Variants in INSL6 observed in about 807,000 individuals in gnomAD.
INSL6 encodes insulin like 6.
In INSL6, 16 loss-of-function variants were observed where a neutral mutation model predicts 9.4. The observed-to-expected ratio is 1.70, with a 90% CI of 1.15 to 2.59. The LOEUF (loss-of-function observed/expected upper bound fraction) is 2.59. Among genes scored for constraint, INSL6 ranks in the 30% most tolerant of loss-of-function variants. The probability of loss-of-function intolerance (pLI) is 0.00; values close to 1 mark genes in which losing one functional copy is unlikely to be tolerated. For synonymous variants in INSL6, 154 were observed against 96.9 expected, an observed-to-expected ratio of 1.59 and a Z score of -3.46; for missense variants, 391 against 257.3, an observed-to-expected ratio of 1.52 and a Z score of -3.56.
chr9:5,129,817 T>C (rs974898173), intron 3 of INSL6, among the ~76,000 whole-genome samples: 5 of 152,194 alleles, frequency 3.3e-5, no homozygotes, highest in African/African-American at 1.2e-4. Context: ...ATGTATATCA[T>C]ATAGCCTTTA....
At chr9:5,091,782 T>A in the INSL6 span, among the ~76,000 whole-genome samples, 1 of 152,070 alleles carries the variant, frequency 6.6e-6, no homozygotes, top group Non-Finnish European at 1.5e-5. Flanking sequence ...AATGGTGAAT[T>A]GTAGCTGAAT....
chr9:5,047,681 C>T, the INSL6 span, among the ~76,000 whole-genome samples: 1 of 152,064 alleles, frequency 6.6e-6, no homozygotes, highest in African/African-American at 2.4e-5. Flanking sequence ...GATTGAACTC[C>T]TGGGCTCCAG....
the INSL6 span, among the ~76,000 whole-genome samples, chr9:5,030,775 A>G: frequency 2.0e-3 from 303 of 152,242 alleles, 1 homozygote; most frequent in African/African-American, 6.9e-3. Context: ...CTCTTCCCCT[A>G]TTCTATATAA....
intron 2 of INSL6, among the ~76,000 whole-genome samples, chr9:5,142,860 T>C (rs1824530263): frequency 1.3e-5 from 2 of 152,218 alleles, no homozygotes. Context: ...CTTGTTATTT[T>C]GAGGTATATT....
the INSL6 span, among the ~76,000 whole-genome samples, chr9:4,995,638 G>A: frequency 6.6e-6 from 1 of 152,150 alleles, no homozygotes; most frequent in African/African-American, 2.4e-5. Context: ...CTTGGGTAGT[G>A]AACATTTCTA....
At chr9:5,122,317 A>T (rs1823679639), downstream of INSL6, among the ~76,000 whole-genome samples, 1 of 152,084 alleles carries the variant, frequency 6.6e-6, no homozygotes, top group Non-Finnish European at 1.5e-5. Flanking sequence ...GAACAATGAC[A>T]CCATTGCTGT....
chr9:5,137,367 AC>A (rs1490567952), intron 2 of INSL6, among the ~76,000 whole-genome samples: 2 of 152,204 alleles, frequency 1.3e-5, no homozygotes, highest in Non-Finnish European at 2.9e-5. Context: ...CTGACTTCAA[AC>A]TACATTACAA....
chr9:5,164,051 T>C lies in INSL6; in HGVS notation c.504A>G (p.Gln168=), dbSNP rs750188337. 3.7e-6 allele frequency: 6 copies of C among 1,613,810 alleles called. No homozygotes were observed. The East Asian group carries it at 6.7e-5, about 18-fold the overall frequency. Residue 168 remains glutamine, a synonymous_variant, in exon 2 of 2, where the codon CAA becomes CAG. Transcript: ENST00000381641. ...LSNLFWGHHP[Q]RKRRGYSEKC... is the part of the protein sequence containing the mutation. ...TTTCTGAATATCCTCTGCGTTTTCT[T>C]TGGGGATGATGCCCCCAAAACAAAT...
chr9:5,172,877 G>A (rs1825214825), intron 1 of INSL6, among the ~76,000 whole-genome samples: 2 of 151,642 alleles, frequency 1.3e-5, no homozygotes, highest in Non-Finnish European at 2.9e-5. Context: ...GCAGTGAGCC[G>A]AGATCATGCC....
the INSL6 span, among the ~76,000 whole-genome samples, chr9:4,998,159 G>A: frequency 1.3e-5 from 2 of 151,808 alleles, no homozygotes; most frequent in East Asian, 1.9e-4. Flanking sequence ...AGACAAACTC[G>A]TCACTTCTTA....
the INSL6 span, among the ~76,000 whole-genome samples, chr9:5,104,377 C>T: frequency 6.6e-6 from 1 of 152,204 alleles, no homozygotes; most frequent in Non-Finnish European, 1.5e-5. Flanking sequence ...GAAGTTGAAT[C>T]TCTGAATAGA....
At chr9:5,090,236 A>C in the INSL6 span, among the ~76,000 whole-genome samples, 33 of 152,340 alleles carry the variant, frequency 2.2e-4, no homozygotes, top group African/African-American at 6.0e-4. Flanking sequence ...AGAAAACTGA[A>C]ACGCAAATAG....
the INSL6 span, among the ~76,000 whole-genome samples, chr9:5,004,740 C>T: frequency 2.1e-3 from 316 of 152,022 alleles, 5 homozygotes; most frequent in Middle Eastern, 0.014. Context: ...TTACATTTTC[C>T]CACCAAGAGT....
At chr9:5,085,302 G>C in the INSL6 span, 1 of 729,950 alleles carries the variant, frequency 1.4e-6, no homozygotes, top group East Asian at 2.9e-5. Context: ...AACATGAGGT[G>C]AAGTCGAATA....
At chr9:5,153,609 G>C (rs1350159401) in intron 2 of INSL6, among the ~76,000 whole-genome samples, 1 of 152,176 alleles carries the variant, frequency 6.6e-6, no homozygotes, top group Non-Finnish European at 1.5e-5. Context: ...TCCTTAAGCT[G>C]TAAGCAACTT....
intron 1 of INSL6, among the ~76,000 whole-genome samples, chr9:5,170,060 T>C (rs1224268266): frequency 1.3e-5 from 2 of 152,092 alleles, no homozygotes; most frequent in South Asian, 2.1e-4. Context: ...ACAACAGATA[T>C]AGATTCTTCT....
chr9:5,042,982 C>T, the INSL6 span, among the ~76,000 whole-genome samples: 1 of 152,212 alleles, frequency 6.6e-6, no homozygotes, highest in Non-Finnish European at 1.5e-5. Context: ...CCCTCAGAAG[C>T]TGAGGGGGGT....
chr9:5,098,437 C>G, the INSL6 span: 1 of 152,086 alleles, frequency 6.6e-6, no homozygotes, highest in Non-Finnish European at 1.5e-5. Flanking sequence ...AATTATTTTC[C>G]TAATTAGTTC....
At chr9:5,084,437 G>A in the INSL6 span, among the ~76,000 whole-genome samples, 15 of 152,118 alleles carry the variant, frequency 9.9e-5, no homozygotes, top group African/African-American at 3.6e-4. Context: ...GTATCCCTTT[G>A]TTATCCTTTT....
Sources: gnomAD v4.1 joint callset for allele counts (sites outside exome capture counted in the v4.1 genomes callset) on GRCh38, gnomAD v4.1.1 for gene constraint, MANE v1.5 for transcripts, NCBI Gene and HGNC (gene_info 2026-07-23, HGNC 2026-07-21) for gene names.